Variants in CNTLN observed in about 807,000 individuals in gnomAD.
CNTLN encodes centlein, centrosomal protein.
CNTLN carries 212 observed loss-of-function variants against 180.0 expected under a neutral mutation model. That is an observed-to-expected ratio of 1.18 (90% confidence interval 1.05 to 1.32). The LOEUF (loss-of-function observed/expected upper bound fraction) is 1.32, where lower values mean the gene tolerates loss of function less well. Ranked by LOEUF, CNTLN falls within the 40% of genes most tolerant of loss-of-function variation. CNTLN has a pLI of 0.00. For missense variants in CNTLN, 2,095 were observed against 1,610.9 expected, an observed-to-expected ratio of 1.30 and a Z score of -5.14; for synonymous variants, 722 against 563.1, an observed-to-expected ratio of 1.28 and a Z score of -3.99.
chr9:17,359,041 A>G (rs983797774), intron 12 of CNTLN, among the ~76,000 whole-genome samples: 1 of 149,582 alleles, frequency 6.7e-6, no homozygotes, highest in Non-Finnish European at 1.5e-5. Context: ...TCTTTTTGAA[A>G]TAAGGTCTTA....
intron 13 of CNTLN, 90 bp downstream of exon 13, chr9:17,366,807 A>T: frequency 1.3e-6 from 1 of 744,102 alleles, no homozygotes; most frequent in Non-Finnish European, 2.3e-6. Flanking sequence ...TAAGAATCTT[A>T]CCCTTTTTGT....
At chr9:17,305,123 C>T (rs1818621478) in intron 7 of CNTLN, among the ~76,000 whole-genome samples, 1 of 152,036 alleles carries the variant, frequency 6.6e-6, no homozygotes, top group African/African-American at 2.4e-5. Context: ...TCAGTCTAAG[C>T]CCCTGAAAAT....
At chr9:17,450,458 G>A (rs1830717582) in intron 18 of CNTLN, among the ~76,000 whole-genome samples, 1 of 152,176 alleles carries the variant, frequency 6.6e-6, no homozygotes. Flanking sequence ...TGTGAAACAT[G>A]AAATGTTAAT....
rs1185093411 is a variant in CNTLN, at chr9:17,135,246, GA to G, written c.183del (p.Ser63GlnfsTer27). On this transcript the variant is annotated frameshift_variant, in exon 1 of 26. Transcript: ENST00000380647. LOFTEE classifies it high-confidence loss of function. Reference sequence around the variant, plus strand: ...AAGTGATAAAATCTGGGTGGGTGAAGAAGGGTCAGGGGGCCGGCGAGGGCCT... The same window carrying G: ...AAGTGATAAAATCTGGGTGGGTGAAGAGGGTCAGGGGGCCGGCGAGGGCCT... ...DESDKIWVGE[E>X]GSGGRRGPGG... The G allele has an allele frequency of 2.5e-6, 4 of 1,607,302 alleles. No homozygotes were observed. The highest frequency in any genetic ancestry group is 1.3e-5 in the African/African-American group (1 of 74,914).
At chr9:17,277,540 T>C (rs1464278943) in intron 6 of CNTLN, among the ~76,000 whole-genome samples, 3 of 151,084 alleles carry the variant, frequency 2.0e-5, no homozygotes, top group Non-Finnish European at 4.4e-5. Flanking sequence ...ATAACAAGTA[T>C]GTAGTAAGGA....
In CNTLN at chr9:17,484,305, A is replaced by C; in HGVS notation, c.3866A>C (p.Lys1289Thr). ...TCCAATATGTTACAGGCTTTGGCCA[A>C]AGAGTTGCAAAATGATGTCCATGTG... ...EFTTFVKALA[K>T]ELQNDVHVVR... Residue 1289 changes from lysine (K) to threonine (T), a missense_variant, in exon 24 of 26, where the codon AAA (lysine) becomes ACA (threonine). By Grantham distance (78) the Lys-to-Thr change is moderately conservative. Coordinates refer to ENST00000380647, the MANE Select transcript of CNTLN (RefSeq NM_017738.4). 1 of 1,597,710 alleles carries C rather than the reference A, an allele frequency of 6.3e-7. No individual in the cohort carries two copies.
the CNTLN span, among the ~76,000 whole-genome samples, chr9:17,526,338 T>G: frequency 1.3e-5 from 2 of 152,196 alleles, no homozygotes; most frequent in African/African-American, 4.8e-5. Flanking sequence ...TGTCTAAAAT[T>G]CTCTAAACTG....
At chr9:17,489,039 G>C (rs745499645) in intron 25 of CNTLN, among the ~76,000 whole-genome samples, 4 of 151,972 alleles carry the variant, frequency 2.6e-5, no homozygotes, top group Non-Finnish European at 5.9e-5. Context: ...TGATGTCTTT[G>C]AATTTTGTGA....
rs10963074 is a variant in CNTLN at position 17,380,439 on chromosome 9, G to A, written c.1988-7723G>A. Reference sequence around the variant, plus strand: ...ACACCTGTGGTAGAGATACAGATACGTGTGTAACAGTGTGATTGGCCAGGG... The same window carrying A: ...ACACCTGTGGTAGAGATACAGATACATGTGTAACAGTGTGATTGGCCAGGG... On this transcript the variant is annotated intron_variant, in intron 13 of 25. Coordinates refer to ENST00000380647, the MANE Select transcript of CNTLN (RefSeq NM_017738.4). 5.5e-3 allele frequency among the ~76,000 whole-genome samples: 834 copies of A among 152,260 alleles called. 5 individuals carry two copies. Among genetic ancestry groups the A allele is most frequent in the Non-Finnish European group, 8.1e-3 (548 of 68,022 alleles).
the CNTLN span, among the ~76,000 whole-genome samples, chr9:17,525,709 AG>A: frequency 6.6e-6 from 1 of 152,198 alleles, no homozygotes; most frequent in Non-Finnish European, 1.5e-5. Flanking sequence ...AAAATATGTT[AG>A]CTAATTTGAA....
Position 17,226,197 on chromosome 9 carries a change from A to G in CNTLN, c.450-6A>G. On this transcript the variant is annotated splice_polypyrimidine_tract_variant and splice_region_variant and intron_variant, in intron 2 of 25. Transcript: ENST00000380647. ...GACTAATAAACTCTCTATATTTTAT[A>G]TCTAGAGAAAAACAGAAATCTGAAG... 6.7e-7 allele frequency: 1 copy of G among 1,502,500 alleles called. No homozygotes were observed. Among genetic ancestry groups the G allele is most frequent in the South Asian group, 1.3e-5 (1 of 79,922 alleles). The allele number at this position is 1,502,500 out of a possible 1,614,324, so 93.1% of individuals were successfully genotyped here.
At chr9:17,319,340 A>G (rs1455288650) in intron 8 of CNTLN, among the ~76,000 whole-genome samples, 2 of 152,182 alleles carry the variant, frequency 1.3e-5, no homozygotes, top group African/African-American at 2.4e-5. Context: ...CATTTCTGTC[A>G]TGTTCCAGGT....
At chr9:17,356,854 T>C (rs1438676790) in intron 12 of CNTLN, among the ~76,000 whole-genome samples, 1 of 152,112 alleles carries the variant, frequency 6.6e-6, no homozygotes, top group African/African-American at 2.4e-5. Flanking sequence ...TTTATGTTTT[T>C]CCCCTTATTC....
intron 25 of CNTLN, among the ~76,000 whole-genome samples, chr9:17,498,187 A>C (rs976169926): frequency 1.3e-5 from 2 of 152,154 alleles, no homozygotes; most frequent in African/African-American, 4.8e-5. Context: ...CTTTCAATGC[A>C]AAAGAATTTC....
chr9:17,502,448 A>G lies in CNTLN; in HGVS notation c.4120-103A>G, dbSNP rs576853049. ...CCAGTAGGGTACCATTATGGCTGCA[A>G]AGTTGCAGACATCTAACTTCTAATG... On this transcript the variant is annotated intron_variant, in intron 25 of 25. Coordinates refer to ENST00000380647, the MANE Select transcript of CNTLN (RefSeq NM_017738.4). 6 of 564,838 alleles carry G rather than the reference A, an allele frequency of 1.1e-5. No homozygotes were observed. The East Asian group carries it at 1.8e-4, about 17-fold the overall frequency. 35.0% of individuals were successfully genotyped at this position (564,838 alleles called of 1,614,324 possible). A position where few individuals can be genotyped will look rare whatever the true frequency, so the allele number is the denominator to read the frequency against.
chr9:17,141,474 G>A (rs1818088876), intron 1 of CNTLN, among the ~76,000 whole-genome samples: 1 of 152,158 alleles, frequency 6.6e-6, no homozygotes, highest in Admixed American at 6.5e-5. Flanking sequence ...AGTAGAGCAA[G>A]TAGAGTAAGA....
chr9:17,218,751 T>G (rs1275829619), intron 2 of CNTLN, among the ~76,000 whole-genome samples: 1 of 152,138 alleles, frequency 6.6e-6, no homozygotes, highest in Non-Finnish European at 1.5e-5. Context: ...CTTCAGTAAG[T>G]TTTGCTTTTT....
At position 17,258,477 on chromosome 9, in the gene CNTLN, A is replaced by G. The variant is rs541168384; in HGVS notation, c.850-15256A>G. ...GCGATGCGGGCTCTCTTTTGGTTCC[A>G]TATGAACTTTAAAGTAGTTTTTTCC... On this transcript the variant is annotated intron_variant, in intron 5 of 25. Transcript: ENST00000380647. 1.2e-4 allele frequency among the ~76,000 whole-genome samples: 18 copies of G among 151,466 alleles called. No homozygotes were observed. In the East Asian group the frequency reaches 3.1e-3, roughly 26 times the overall value.
At chr9:17,515,566 G>A in the CNTLN span, among the ~76,000 whole-genome samples, 2 of 152,182 alleles carry the variant, frequency 1.3e-5, no homozygotes, top group Admixed American at 1.3e-4. Context: ...ACTCCCCCCA[G>A]TCAGTAAGTG....
Sources: allele counts gnomAD v4.1 joint callset (sites outside exome capture counted in the v4.1 genomes callset), GRCh38; gene constraint gnomAD v4.1.1; transcripts MANE v1.5; gene names NCBI Gene and HGNC (gene_info 2026-07-23, HGNC 2026-07-21).